Variants in IRAK3 observed in about 807,000 individuals in gnomAD.
IRAK3 encodes the protein interleukin-1 receptor-associated kinase 3.
IRAK3 carries 57 observed loss-of-function variants against 56.6 expected under a neutral mutation model. The observed-to-expected ratio is 1.01, with a 90% CI of 0.81 to 1.26. The LOEUF is 1.26. Among genes scored for constraint, IRAK3 ranks in the 50% most tolerant of loss-of-function variants. The pLI is 0.00. For synonymous variants in IRAK3, 258 were observed against 255.7 expected (o/e 1.01, Z -0.09); for missense variants, 703 against 719.0 (o/e 0.98, Z 0.25).
intron 1 of IRAK3, among the ~76,000 whole-genome samples, chr12:66,195,663 T>C (rs190338424): frequency 6.6e-6 from 1 of 152,210 alleles, no homozygotes; most frequent in African/African-American, 2.4e-5. Flanking sequence ...TCTTTTGTTT[T>C]GTTTTGTTTT....
chr12:66,201,488 A>G (rs1274006181), intron 1 of IRAK3, among the ~76,000 whole-genome samples: 3 of 152,174 alleles, frequency 2.0e-5, no homozygotes, highest in African/African-American at 7.2e-5. Context: ...CCCAAAACAC[A>G]TTGTTAATTT....
chr12:66,212,794 G>T (rs879540836), intron 5 of IRAK3, among the ~76,000 whole-genome samples: 2 of 152,014 alleles, frequency 1.3e-5, no homozygotes, highest in Admixed American at 1.3e-4. Flanking sequence ...ACCAAACACT[G>T]CATGTTCTCA....
rs143573592 is a variant in IRAK3 at position 66,213,156 on chromosome 12, C to T, written c.588+1559C>T. Among the ~76,000 whole-genome samples, 1,306 of 152,246 alleles carry T rather than the reference C, an allele frequency of 8.6e-3. 12 individuals are homozygous for T. Among genetic ancestry groups the T allele is most frequent in the Non-Finnish European group, 0.011 (777 of 68,014 alleles). Reference sequence around the variant, plus strand: ...GGCAGAAGATGAAAGGCACGCCTTACGATGCAGACAAGAGAGAAGTTGTGC... The same window carrying T: ...GGCAGAAGATGAAAGGCACGCCTTATGATGCAGACAAGAGAGAAGTTGTGC... On this transcript the variant is annotated intron_variant, in intron 5 of 11. Transcript: ENST00000261233.
chr12:66,193,738 G>A (rs867324348), intron 1 of IRAK3, among the ~76,000 whole-genome samples: 33 of 152,254 alleles, frequency 2.2e-4, no homozygotes, highest in Middle Eastern at 6.8e-3. Flanking sequence ...TTTGGGGGAG[G>A]AAAACCATAA....
intron 5 of IRAK3, among the ~76,000 whole-genome samples, chr12:66,212,580 GTC>G (rs1426490467): frequency 3.3e-5 from 5 of 152,212 alleles, no homozygotes; most frequent in Admixed American, 6.5e-5. Flanking sequence ...GGAGCTCACA[GTC>G]TCTCTGGTGA....
Position 66,199,927 on chromosome 12 carries a change from G to A in IRAK3, c.134-3784G>A, listed in dbSNP as rs2052490808. Among the ~76,000 whole-genome samples the A allele has an allele frequency of 2.0e-5, 3 of 152,108 alleles. No individual in the cohort carries two copies. In the South Asian group the frequency reaches 6.2e-4, roughly 32 times the overall value. ...TAAAACATATATTGGCATTTGGATA[G>A]TCTTTGCCTCTGTGAAACATCATCT... On this transcript the variant is annotated intron_variant, in intron 1 of 11. Coordinates refer to ENST00000261233, the MANE Select transcript of IRAK3 (RefSeq NM_007199.3).
At chr12:66,191,995 C>T (rs2136909504) in intron 1 of IRAK3, among the ~76,000 whole-genome samples, 1 of 152,330 alleles carries the variant, frequency 6.6e-6, no homozygotes, top group Non-Finnish European at 1.5e-5. Flanking sequence ...GTAAGCCAGT[C>T]ATTCACAAAC....
In IRAK3 at chr12:66,248,065, ATCCT is replaced by A. The variant is rs2053055581; in HGVS notation, c.1688_1691del (p.Pro563LeufsTer47). 1 of 1,589,096 alleles carries A rather than the reference ATCCT, an allele frequency of 6.3e-7. No individual in the cohort carries two copies. The highest frequency in any genetic ancestry group is 2.2e-5 in the East Asian group (1 of 44,788). ...TTAAGGCCCTATAAGGTAAATATAG[ATCCT>A]TCTTCAGAAGCTCCAGGGCATTCTT... is the stretch of plus-strand genomic sequence containing the variant. On this transcript the variant is annotated frameshift_variant, in exon 12 of 12. Transcript: ENST00000261233. LOFTEE classifies it low-confidence loss of function (END_TRUNC).
rs1438206254 is a variant in IRAK3 at position 66,234,493 on chromosome 12, T to C, written c.887+6123T>C. The C allele has an allele frequency of 5.0e-6, 8 of 1,611,770 alleles. No individual in the cohort carries two copies. The South Asian group carries it at 5.5e-5, about 11-fold the overall frequency. ...TGTATGGTGAAGGATAAAATCCGTT[T>C]TGTATAGCAGCTGTAGTTGGGTCGT... is the stretch of plus-strand genomic sequence containing the variant. On this transcript the variant is annotated intron_variant, in intron 8 of 11. Coordinates refer to ENST00000261233, the MANE Select transcript of IRAK3 (RefSeq NM_007199.3).
In IRAK3 at chr12:66,252,680, A is replaced by T. The variant is rs920619792; in HGVS notation, c.*4509A>T. 6.6e-6 allele frequency: 1 copy of T among 152,216 alleles called. No homozygotes were observed. Among genetic ancestry groups the T allele is most frequent in the African/African-American group, 2.4e-5 (1 of 41,452 alleles). 9.4% of individuals were successfully genotyped at this position (152,216 alleles called of 1,614,324 possible). A position where few individuals can be genotyped will look rare whatever the true frequency, so the allele number is the denominator to read the frequency against. On this transcript the variant is annotated 3_prime_UTR_variant, in exon 12 of 12. Transcript: ENST00000261233. ...TCATGGAGCTTATATGTAAGTGAAT[A>T]AATCTCAGGGTGGTTCTCCTGTCAT...
rs2053127054 is a variant in IRAK3 at position 66,253,892 on chromosome 12, C to CCAAAAA, written c.*5724_*5729dup. On this transcript the variant is annotated 3_prime_UTR_variant, in exon 12 of 12. Coordinates refer to ENST00000261233, the MANE Select transcript of IRAK3 (RefSeq NM_007199.3). ...ACTACTGATGGAATGAGAATACAAACCAAAAACACTTTATTCAAGTCCAGG... is the reference window on the plus strand; with the variant it reads ...ACTACTGATGGAATGAGAATACAAACCAAAAACAAAAACACTTTATTCAAGTCCAGG... 2 of 151,986 alleles carry CCAAAAA rather than the reference C, an allele frequency of 1.3e-5. No individual in the cohort carries two copies. The highest frequency in any genetic ancestry group is 2.9e-5 in the Non-Finnish European group (2 of 67,982). 9.4% of individuals were successfully genotyped at this position (151,986 alleles called of 1,614,324 possible).
intron 8 of IRAK3, among the ~76,000 whole-genome samples, chr12:66,242,584 A>T (rs180775964): frequency 6.6e-6 from 1 of 152,274 alleles, no homozygotes; most frequent in East Asian, 1.9e-4. Context: ...AGGCAAGGAG[A>T]GAAATGACAA....
chr12:66,230,472 G>A (rs2052833110), intron 8 of IRAK3, among the ~76,000 whole-genome samples: 1 of 152,188 alleles, frequency 6.6e-6, no homozygotes, highest in Non-Finnish European at 1.5e-5. Flanking sequence ...CATCCCAGAG[G>A]CAGGCAGGGC....
intron 1 of IRAK3, among the ~76,000 whole-genome samples, chr12:66,202,550 T>G (rs547490168): frequency 4.7e-4 from 71 of 152,176 alleles, no homozygotes; most frequent in African/African-American, 1.6e-3. Flanking sequence ...GGCGGGCAGA[T>G]TGCTTGAGCT....
In IRAK3 at chr12:66,253,645, T is replaced by C. The variant is rs974744381; in HGVS notation, c.*5474T>C. The stretch of plus-strand genomic sequence containing the variant: ...ACAGAGTTTTACATTGGCTCTTGAA[T>C]TTTAAAATATTCTTATAGACAAACA... On this transcript the variant is annotated 3_prime_UTR_variant, in exon 12 of 12. Transcript: ENST00000261233. The C allele has an allele frequency of 2.6e-5, 4 of 152,242 alleles. No individual in the cohort carries two copies. In the South Asian group the frequency reaches 8.3e-4, roughly 32 times the overall value. The allele number at this position is 152,242 out of a possible 1,614,324, so 9.4% of individuals were successfully genotyped here. A position where few individuals can be genotyped will look rare whatever the true frequency, so the allele number is the denominator to read the frequency against.
At chr12:66,234,091 G>A in intron 8 of IRAK3, 1 of 1,614,044 alleles carries the variant, frequency 6.2e-7, no homozygotes, top group Non-Finnish European at 8.5e-7. Flanking sequence ...TAGGTTGAAA[G>A]GTATATGGAG....
At chr12:66,194,976 A>T (rs1475371169) in intron 1 of IRAK3, among the ~76,000 whole-genome samples, 1 of 151,628 alleles carries the variant, frequency 6.6e-6, no homozygotes, top group Non-Finnish European at 1.5e-5. Flanking sequence ...TCTATATACT[A>T]CTCCCAAATT....
intron 7 of IRAK3, among the ~76,000 whole-genome samples, chr12:66,227,777 A>AG (rs1331128242): frequency 2.0e-4 from 30 of 150,920 alleles, no homozygotes; most frequent in African/African-American, 5.8e-4. Flanking sequence ...AAAAAAAAAA[A>AG]AGAGAGAGAG....
intron 8 of IRAK3, among the ~76,000 whole-genome samples, chr12:66,232,677 G>A (rs1414300978): frequency 6.6e-6 from 1 of 152,188 alleles, no homozygotes; most frequent in African/African-American, 2.4e-5. Context: ...GTCCCTCTGT[G>A]TGTAGCTCAG....
Sources: gnomAD v4.1 joint callset for allele counts (sites outside exome capture counted in the v4.1 genomes callset) on GRCh38, gnomAD v4.1.1 for gene constraint, MANE v1.5 for transcripts, NCBI Gene and HGNC (gene_info 2026-07-23, HGNC 2026-07-21) for gene names.